TMEM132B: variants seen among roughly 807,000 people sequenced by gnomAD.
TMEM132B encodes transmembrane protein 132B.
A neutral mutation model predicts 90.8 loss-of-function variants in TMEM132B; 18 were observed. The ratio of observed to expected loss-of-function variants is 0.20; its 90% CI spans 0.14 to 0.29. The LOEUF (loss-of-function observed/expected upper bound fraction) is 0.29. TMEM132B is among the 10% of genes least tolerant of loss of function. The pLI is 1.00. For synonymous variants in TMEM132B, 504 were observed against 523.3 expected, an observed-to-expected ratio of 0.96 and a Z score of 0.50; for missense variants, 1,096 against 1,326.8, an observed-to-expected ratio of 0.83 and a Z score of 2.70.
At chr12:125,299,240 G>A (rs1289021393) in intron 1 of TMEM132B, among the ~76,000 whole-genome samples, 1 of 152,134 alleles carries the variant, frequency 6.6e-6, no homozygotes, top group African/African-American at 2.4e-5. Context: ...TCTTGTCAAA[G>A]TCACCCCACT....
intron 4 of TMEM132B, among the ~76,000 whole-genome samples, chr12:125,554,427 T>TAAAAAAA (rs71447048): frequency 1.4e-5 from 1 of 69,480 alleles, no homozygotes; most frequent in African/African-American, 5.0e-5. Context: ...TCCATTTCAT[T>TAAAAAAA]AAAAAAAAAA....
In TMEM132B at chr12:125,512,848, GA is replaced by G. The variant is rs765699272; in HGVS notation, c.1107-6583del. 3.9e-5 allele frequency among the ~76,000 whole-genome samples: 6 copies of G among 152,090 alleles called. No individual in the cohort carries two copies. In the East Asian group the frequency reaches 1.2e-3, roughly 29 times the overall value. ...TGAGAGCCAGCCATTAGATCCTGAT[GA>G]AAAAAAAGGTTGTATGAGAGGCAGA... is the stretch of plus-strand genomic sequence containing the variant. On this transcript the variant is annotated intron_variant, in intron 3 of 8. Coordinates refer to ENST00000682704, the MANE Select transcript of TMEM132B (RefSeq NM_001366854.1).
chr12:125,493,860 G>T (rs1882423502), intron 3 of TMEM132B, among the ~76,000 whole-genome samples: 1 of 147,858 alleles, frequency 6.8e-6, no homozygotes, highest in South Asian at 2.2e-4. Flanking sequence ...GTCCTCCCTG[G>T]AAATGGATGC....
intron 4 of TMEM132B, among the ~76,000 whole-genome samples, chr12:125,522,428 C>G (rs778750609): frequency 6.6e-6 from 1 of 152,178 alleles, no homozygotes; most frequent in Non-Finnish European, 1.5e-5. Context: ...ATGGCAGATA[C>G]AGGGAGCAGC....
intron 4 of TMEM132B, 124 bp downstream of exon 4, chr12:125,519,749 A>G: frequency 1.0e-6 from 1 of 956,138 alleles, no homozygotes; most frequent in East Asian, 2.5e-5. Flanking sequence ...ATATACTTAA[A>G]TTGCATTTGA....
intron 1 of TMEM132B, among the ~76,000 whole-genome samples, chr12:125,302,097 G>T (rs1301710907): frequency 6.6e-6 from 1 of 152,144 alleles, no homozygotes; most frequent in Non-Finnish European, 1.5e-5. Flanking sequence ...CTACTCAGGA[G>T]GCTGAGGCAA....
intron 3 of TMEM132B, among the ~76,000 whole-genome samples, chr12:125,429,609 T>C (rs1247022945): frequency 6.6e-6 from 1 of 152,210 alleles, no homozygotes; most frequent in African/African-American, 2.4e-5. Context: ...CTGTTTTAGA[T>C]GACCTTGACA....
At chr12:125,403,026 A>C (rs1041306282) in intron 2 of TMEM132B, among the ~76,000 whole-genome samples, 7 of 152,174 alleles carry the variant, frequency 4.6e-5, no homozygotes, top group African/African-American at 1.7e-4. Context: ...CAATTGTTTT[A>C]AACATAGCCC....
intron 3 of TMEM132B, among the ~76,000 whole-genome samples, chr12:125,470,993 G>A (rs561555555): frequency 1.3e-5 from 2 of 152,374 alleles, no homozygotes; most frequent in East Asian, 1.9e-4. Context: ...GCCTGAGGTC[G>A]TACCTCAACA....
intron 1 of TMEM132B, among the ~76,000 whole-genome samples, chr12:125,202,664 A>T (rs1873089745): frequency 6.6e-6 from 1 of 152,222 alleles, no homozygotes; most frequent in African/African-American, 2.4e-5. Flanking sequence ...ATGTCCCTTC[A>T]ATGTTGAGCC....
At chr12:125,265,641 C>T (rs540983662) in intron 1 of TMEM132B, among the ~76,000 whole-genome samples, 110 of 152,294 alleles carry the variant, frequency 7.2e-4, no homozygotes, top group African/African-American at 2.6e-3. Flanking sequence ...GGGGCCTCTG[C>T]AATCTGCACC....
At chr12:125,294,147 C>T (rs73422827) in intron 1 of TMEM132B, among the ~76,000 whole-genome samples, 3,868 of 152,328 alleles carry the variant, frequency 0.025, 169 homozygotes, top group African/African-American at 0.088. Flanking sequence ...TGAGCATAGA[C>T]AGCCCATGCC....
Position 125,203,728 on chromosome 12 carries a change from C to T in TMEM132B, c.67+16862C>T, listed in dbSNP as rs546463414. ...ATGTAAAGTATAATTTTTTCCTCTT[C>T]CCTTGTAAAATTGGGATGTATCATA... On this transcript the variant is annotated intron_variant, in intron 1 of 8. Transcript: ENST00000682704. 1.1e-4 allele frequency among the ~76,000 whole-genome samples: 16 copies of T among 152,270 alleles called. No homozygotes were observed. The South Asian group carries it at 3.3e-3, about 32-fold the overall frequency.
intron 3 of TMEM132B, among the ~76,000 whole-genome samples, chr12:125,454,833 T>G (rs182120895): frequency 6.6e-6 from 1 of 152,240 alleles, no homozygotes; most frequent in Non-Finnish European, 1.5e-5. Flanking sequence ...CTGTGAACTA[T>G]CTCTAGGTTA....
chr12:125,561,735 C>G (rs1315317205), intron 4 of TMEM132B, among the ~76,000 whole-genome samples: 2 of 151,208 alleles, frequency 1.3e-5, no homozygotes, highest in African/African-American at 2.4e-5. Flanking sequence ...CAGTAGGTCT[C>G]AACTATGTGG....
chr12:125,564,300 C>T (rs769403196), intron 4 of TMEM132B, among the ~76,000 whole-genome samples: 14 of 152,112 alleles, frequency 9.2e-5, no homozygotes, highest in South Asian at 6.2e-4. Flanking sequence ...ATTTATCACA[C>T]GGATTGGAAG....
chr12:125,554,123 A>T (rs1051131388), intron 4 of TMEM132B, among the ~76,000 whole-genome samples: 1 of 152,164 alleles, frequency 6.6e-6, no homozygotes, highest in Admixed American at 6.5e-5. Context: ...CTTTCTTTGT[A>T]TAAGATTTAT....
In TMEM132B at chr12:125,653,759, A is replaced by G; in HGVS notation, c.2301A>G (p.Glu767=). Residue 767 remains glutamate, a synonymous_variant, in exon 9 of 9, where the codon GAA becomes GAG. Transcript: ENST00000682704. ...GEGQGPLIKL[E]MMISEPCQKT... ...GACAAGGGCCTTTGATTAAGTTAGA[A>G]ATGATGATAAGTGAACCTTGTCAGA... 1 of 1,614,228 alleles carries G rather than the reference A, an allele frequency of 6.2e-7. No individual in the cohort carries two copies. Among genetic ancestry groups the G allele is most frequent in the South Asian group, 1.1e-5 (1 of 91,084 alleles).
chr12:125,397,484 C>T (rs895452730), intron 2 of TMEM132B, among the ~76,000 whole-genome samples: 1 of 152,190 alleles, frequency 6.6e-6, no homozygotes, highest in Non-Finnish European at 1.5e-5. Flanking sequence ...TTACAAATCC[C>T]AGGTTCCCAT....
Sources: gnomAD v4.1 joint callset for allele counts (sites outside exome capture counted in the v4.1 genomes callset) on GRCh38, gnomAD v4.1.1 for gene constraint, MANE v1.5 for transcripts, NCBI Gene and HGNC (gene_info 2026-07-23, HGNC 2026-07-21) for gene names.